The following RAD51B variants were observed in gnomAD, a reference collection of about 807,000 sequenced individuals.
RAD51B encodes RAD51 paralog B.
A neutral mutation model predicts 42.2 loss-of-function variants in RAD51B; 38 were observed. The ratio of observed to expected loss-of-function variants is 0.90; its 90% CI spans 0.70 to 1.18. RAD51B has a LOEUF of 1.18. Ranked by LOEUF, RAD51B falls within the 50% of genes most tolerant of loss-of-function variation. RAD51B has a pLI of 0.00. For synonymous variants in RAD51B, 154 were observed against 145.2 expected (o/e 1.06, Z -0.43); for missense variants, 373 against 400.7 (o/e 0.93, Z 0.59).
At chr14:67,897,452 G>T (rs1436471138) in intron 7 of RAD51B, among the ~76,000 whole-genome samples, 5 of 151,994 alleles carry the variant, frequency 3.3e-5, no homozygotes, top group African/African-American at 7.2e-5. Flanking sequence ...ATGGGCAAAA[G>T]AACTGAATAG....
chr14:67,879,488 G>C (rs1363076361), intron 5 of RAD51B, among the ~76,000 whole-genome samples: 4 of 151,874 alleles, frequency 2.6e-5, no homozygotes, highest in Middle Eastern at 3.2e-3. Context: ...TGTCACCCAG[G>C]CTGGAGTGCA....
intron 10 of RAD51B, among the ~76,000 whole-genome samples, chr14:68,494,270 A>T (rs1884318169): frequency 8.5e-6 from 1 of 118,282 alleles, no homozygotes; most frequent in Admixed American, 8.1e-5. Context: ...ACAGAGTGAG[A>T]TTCCGTCTCA....
chr14:68,034,465 C>A (rs1307402293), intron 7 of RAD51B, among the ~76,000 whole-genome samples: 1 of 152,076 alleles, frequency 6.6e-6, no homozygotes, highest in Non-Finnish European at 1.5e-5. Context: ...GTCAGAGTCT[C>A]ACTGTGTTTC....
intron 7 of RAD51B, among the ~76,000 whole-genome samples, chr14:68,280,417 C>T (rs2060747615): frequency 6.6e-6 from 1 of 152,124 alleles, no homozygotes; most frequent in Non-Finnish European, 1.5e-5. Context: ...CCAGGTAGAC[C>T]AGGTCTGCGT....
At chr14:68,100,128 A>C (rs531349817) in intron 7 of RAD51B, among the ~76,000 whole-genome samples, 7 of 152,192 alleles carry the variant, frequency 4.6e-5, no homozygotes, top group Non-Finnish European at 7.3e-5. Flanking sequence ...CCCTGTCTAC[A>C]TGGGTAAGCT....
At chr14:68,620,700 T>C (rs1891927272) in intron 10 of RAD51B, among the ~76,000 whole-genome samples, 1 of 152,246 alleles carries the variant, frequency 6.6e-6, no homozygotes, top group South Asian at 2.1e-4. Flanking sequence ...CTTTAACTCT[T>C]CCTATTCTCA....
Position 68,422,964 on chromosome 14 carries a change from T to C in RAD51B, c.957+11437T>C, listed in dbSNP as rs138970113. On this transcript the variant is annotated intron_variant, in intron 9 of 10. Transcript: ENST00000471583. ...GCTTGAAGCCGAGGTTTTTTTTCAC[T>C]GAGGGTCTCTTTCTAGAAGTTTCTC... Among the ~76,000 whole-genome samples, 1,450 of 152,266 alleles carry C rather than the reference T, an allele frequency of 9.5e-3. 10 individuals carry two copies. The highest frequency in any genetic ancestry group is 0.015 in the Non-Finnish European group (1,018 of 67,998).
chr14:68,620,751 GT>G (rs1891928224), intron 10 of RAD51B, among the ~76,000 whole-genome samples: 2 of 152,180 alleles, frequency 1.3e-5, no homozygotes, highest in Admixed American at 1.3e-4. Context: ...CTTTAATCAT[GT>G]TTCAGGTCCT....
At chr14:68,086,904 G>T (rs1036224675) in intron 7 of RAD51B, among the ~76,000 whole-genome samples, 4 of 152,126 alleles carry the variant, frequency 2.6e-5, no homozygotes, top group African/African-American at 9.7e-5. Context: ...GGGAGGCCAA[G>T]GTGGGTGGAT....
chr14:68,212,714 C>T (rs1227507172), intron 7 of RAD51B, among the ~76,000 whole-genome samples: 1 of 152,178 alleles, frequency 6.6e-6, no homozygotes, highest in Admixed American at 6.5e-5. Context: ...CCAGAATGCA[C>T]AGGACATTGA....
intron 7 of RAD51B, among the ~76,000 whole-genome samples, chr14:67,919,115 T>C (rs2044244196): frequency 6.6e-6 from 1 of 152,188 alleles, no homozygotes; most frequent in South Asian, 2.1e-4. Flanking sequence ...ATTAAACTGA[T>C]GCATGTGATT....
intron 8 of RAD51B, among the ~76,000 whole-genome samples, chr14:68,351,303 G>A (rs2082782284): frequency 6.6e-6 from 1 of 152,178 alleles, no homozygotes; most frequent in African/African-American, 2.4e-5. Flanking sequence ...AAGTAGAAAA[G>A]TACTACTTTT....
At chr14:67,972,667 A>G (rs1037777902) in intron 7 of RAD51B, among the ~76,000 whole-genome samples, 2 of 152,088 alleles carry the variant, frequency 1.3e-5, no homozygotes, top group African/African-American at 4.8e-5. Flanking sequence ...ATACAGTCCT[A>G]TTGCTGTGGT....
intron 8 of RAD51B, among the ~76,000 whole-genome samples, chr14:68,399,663 C>T (rs1336236164): frequency 6.6e-6 from 1 of 152,176 alleles, no homozygotes; most frequent in East Asian, 1.9e-4. Flanking sequence ...CTTTGCTGAA[C>T]CATCTGAGGG....
At chr14:68,122,599 A>G (rs2077672341) in intron 7 of RAD51B, among the ~76,000 whole-genome samples, 1 of 152,200 alleles carries the variant, frequency 6.6e-6, no homozygotes, top group Admixed American at 6.5e-5. Context: ...TGGAATGATA[A>G]ATTGTTAGAT....
At chr14:68,176,938 T>C (rs2078972666) in intron 7 of RAD51B, among the ~76,000 whole-genome samples, 1 of 152,120 alleles carries the variant, frequency 6.6e-6, no homozygotes, top group Admixed American at 6.6e-5. Flanking sequence ...GGAGTTCTGT[T>C]TTTTACTAGA....
At position 67,890,172 on chromosome 14, in the gene RAD51B, A is replaced by G. The variant is rs866489210; in HGVS notation, c.756+2968A>G. Among the ~76,000 whole-genome samples, 23 of 152,304 alleles carry G rather than the reference A, an allele frequency of 1.5e-4. No homozygotes were observed. In the South Asian group the frequency reaches 3.1e-3, roughly 21 times the overall value. ...TTGACTTCTAATTACCACGTACAGA[A>G]TAGTTATTATACGTATTGTAAATTA... On this transcript the variant is annotated intron_variant, in intron 7 of 10. Coordinates refer to ENST00000471583, the MANE Select transcript of RAD51B (RefSeq NM_133510.4).
downstream of RAD51B, among the ~76,000 whole-genome samples, chr14:68,616,092 G>A (rs570598239): frequency 2.0e-4 from 31 of 152,118 alleles, 1 homozygote; most frequent in South Asian, 5.6e-3. Context: ...TTGTGCTATT[G>A]CTGCTATAAA....
intron 7 of RAD51B, among the ~76,000 whole-genome samples, chr14:68,156,029 T>C (rs1305459383): frequency 6.6e-6 from 1 of 152,236 alleles, no homozygotes; most frequent in East Asian, 1.9e-4. Context: ...TTCTTCTGTC[T>C]TGCACTTTGA....
Sources: gnomAD v4.1 joint callset for allele counts (sites outside exome capture counted in the v4.1 genomes callset) on GRCh38, gnomAD v4.1.1 for gene constraint, MANE v1.5 for transcripts, NCBI Gene and HGNC (gene_info 2026-07-23, HGNC 2026-07-21) for gene names.